Variants in PARP8 observed in about 807,000 individuals in gnomAD.
PARP8 encodes the protein poly(ADP-ribose) polymerase family member 8.
PARP8 carries 51 observed loss-of-function variants against 124.1 expected under a neutral mutation model. That is an observed-to-expected ratio of 0.41 (90% CI 0.33 to 0.52). PARP8 has a LOEUF of 0.52. PARP8 is among the 20% of genes least tolerant of loss of function. PARP8 has a pLI of 0.21. For synonymous variants in PARP8, 391 were observed against 361.5 expected, an observed-to-expected ratio of 1.08 and a Z score of -0.93; for missense variants, 860 against 1,018.9, an observed-to-expected ratio of 0.84 and a Z score of 2.12.
At chr5:50,788,816 C>G (rs1741609973) in intron 10 of PARP8, among the ~76,000 whole-genome samples, 1 of 152,226 alleles carries the variant, frequency 6.6e-6, no homozygotes, top group South Asian at 2.1e-4. Context: ...GATCCACTCT[C>G]TTTCCTCCAG....
At chr5:50,721,631 G>C (rs1755899796) in intron 2 of PARP8, among the ~76,000 whole-genome samples, 1 of 152,040 alleles carries the variant, frequency 6.6e-6, no homozygotes, top group Admixed American at 6.6e-5. Context: ...GAGTATAGCT[G>C]CAACAGCCTC....
chr5:50,772,510 T>A (rs1184966391), intron 7 of PARP8, among the ~76,000 whole-genome samples: 1 of 152,108 alleles, frequency 6.6e-6, no homozygotes, highest in Non-Finnish European at 1.5e-5. Context: ...CACATCAGCA[T>A]TTGTTATTTT....
chr5:50,666,977 C>G lies in PARP8; in HGVS notation c.-119C>G. Reference sequence around the variant, plus strand: ...ATCACTTCCGAAACCACTTCGCCTTCAGCCCCTGCCTCGGCCAGAGGTTTC... The same window carrying G: ...ATCACTTCCGAAACCACTTCGCCTTGAGCCCCTGCCTCGGCCAGAGGTTTC... On this transcript the variant is annotated 5_prime_UTR_variant, in exon 1 of 26. It introduces an in-frame stop codon into an upstream open reading frame of the 5' UTR. Coordinates refer to ENST00000281631, the MANE Select transcript of PARP8 (RefSeq NM_024615.4). 1 of 1,540,104 alleles carries G rather than the reference C, an allele frequency of 6.5e-7. No homozygotes were observed. Among genetic ancestry groups the G allele is most frequent in the South Asian group, 1.2e-5 (1 of 83,324 alleles).
intron 14 of PARP8, among the ~76,000 whole-genome samples, chr5:50,814,339 G>A (rs1744842210): frequency 6.6e-6 from 1 of 152,072 alleles, no homozygotes; most frequent in Non-Finnish European, 1.5e-5. Flanking sequence ...AGGAAAAGTT[G>A]TTGAAATTGA....
At chr5:50,699,109 C>A (rs1264088254) in intron 2 of PARP8, among the ~76,000 whole-genome samples, 1 of 152,298 alleles carries the variant, frequency 6.6e-6, no homozygotes, top group South Asian at 2.1e-4. Context: ...GTCCTACAGT[C>A]ATGATGACTT....
chr5:50,735,646 T>A (rs1384502593), intron 2 of PARP8, among the ~76,000 whole-genome samples: 1 of 152,192 alleles, frequency 6.6e-6, no homozygotes, highest in Non-Finnish European at 1.5e-5. Context: ...ACAAGGGAGC[T>A]ATACATATAT....
At chr5:50,761,381 T>G (rs1345206730) in intron 5 of PARP8, among the ~76,000 whole-genome samples, 1 of 152,138 alleles carries the variant, frequency 6.6e-6, no homozygotes, top group African/African-American at 2.4e-5. Flanking sequence ...ATAATTTGAT[T>G]ATATATTATT....
At position 50,788,890 on chromosome 5, in the gene PARP8, C is replaced by T. The variant is rs183776355; in HGVS notation, c.737+301C>T. Among the ~76,000 whole-genome samples the T allele has an allele frequency of 3.3e-4, 50 of 152,216 alleles. 1 individual carries two copies. In the East Asian group the frequency reaches 7.2e-3, roughly 22 times the overall value. Reference sequence around the variant, plus strand: ...CACAGGCTCTGAGTCCCTAACATGACCAGTGGAGGCAGGAAGGAGAGTAAG... The same window carrying T: ...CACAGGCTCTGAGTCCCTAACATGATCAGTGGAGGCAGGAAGGAGAGTAAG... On this transcript the variant is annotated intron_variant, in intron 10 of 25. Transcript: ENST00000281631.
intron 9 of PARP8, among the ~76,000 whole-genome samples, chr5:50,779,516 CAT>C (rs1239831913): frequency 6.6e-6 from 1 of 152,200 alleles, no homozygotes; most frequent in Non-Finnish European, 1.5e-5. Flanking sequence ...CTGTCCGACA[CAT>C]AGCTTCTTCA....
chr5:50,761,243 G>A (rs1167613188), intron 5 of PARP8, among the ~76,000 whole-genome samples: 1 of 151,866 alleles, frequency 6.6e-6, no homozygotes, highest in African/African-American at 2.4e-5. Flanking sequence ...TGGCAGATGT[G>A]GCTCAGTTAA....
At chr5:50,709,091 C>T (rs1466093537) in intron 2 of PARP8, among the ~76,000 whole-genome samples, 1 of 152,012 alleles carries the variant, frequency 6.6e-6, no homozygotes, top group East Asian at 1.9e-4. Flanking sequence ...CAGGCCAGGA[C>T]ATTTTCTTGT....
chr5:50,761,772 G>A (rs1416106778), intron 5 of PARP8, 49 bp from the exon 6 acceptor site: 2 of 1,220,248 alleles, frequency 1.6e-6, no homozygotes, highest in Non-Finnish European at 2.4e-6. Flanking sequence ...ATTTTAGAAA[G>A]GTAAAATAAT....
chr5:50,703,493 T>C (rs1423107072), intron 2 of PARP8, among the ~76,000 whole-genome samples: 1 of 152,146 alleles, frequency 6.6e-6, no homozygotes, highest in East Asian at 1.9e-4. Flanking sequence ...GATTTCTTCC[T>C]TGAAGGATTC....
intron 6 of PARP8, among the ~76,000 whole-genome samples, chr5:50,762,770 A>C (rs1580250737): frequency 6.6e-6 from 1 of 152,332 alleles, no homozygotes; most frequent in East Asian, 1.9e-4. Context: ...TTCCTTTACC[A>C]GTATAACATT....
intron 14 of PARP8, among the ~76,000 whole-genome samples, chr5:50,809,719 A>G (rs1744231364): frequency 6.6e-6 from 1 of 152,030 alleles, no homozygotes; most frequent in Non-Finnish European, 1.5e-5. Flanking sequence ...TCTGTTTTGT[A>G]TATTGGACTT....
chr5:50,776,472 A>C (rs1740031524), intron 7 of PARP8, among the ~76,000 whole-genome samples: 1 of 152,186 alleles, frequency 6.6e-6, no homozygotes, highest in Non-Finnish European at 1.5e-5. Flanking sequence ...TGCAAAGCAC[A>C]GATGTTATGA....
rs377117156 is a variant in PARP8, at chr5:50,780,719, G to GTTTTCT, written c.670+2074_670+2079dup. ...GAAACCAAGGAAACCTGAGGGTTATGTTTTCTTTTTTCATACCTGATAATG... is the reference window on the plus strand; with the variant it reads ...GAAACCAAGGAAACCTGAGGGTTATGTTTTCTTTTTCTTTTTTCATACCTGATAATG... On this transcript the variant is annotated intron_variant, in intron 9 of 25. Transcript: ENST00000281631. 1.9e-3 allele frequency among the ~76,000 whole-genome samples: 295 copies of GTTTTCT among 152,218 alleles called. 3 individuals are homozygous for GTTTTCT. The highest frequency in any genetic ancestry group is 6.7e-3 in the African/African-American group (279 of 41,546).
intron 2 of PARP8, among the ~76,000 whole-genome samples, chr5:50,725,441 A>G (rs765628836): frequency 6.6e-6 from 1 of 152,152 alleles, no homozygotes; most frequent in Non-Finnish European, 1.5e-5. Flanking sequence ...TTGTAGCAAG[A>G]TACTTAGTTA....
chr5:50,743,430 C>A (rs918401487), intron 2 of PARP8, among the ~76,000 whole-genome samples: 3 of 151,928 alleles, frequency 2.0e-5, no homozygotes, highest in Non-Finnish European at 4.4e-5. Flanking sequence ...TTCTAGTATG[C>A]CCCAAATTAC....
Sources: gnomAD v4.1 joint callset for allele counts (sites outside exome capture counted in the v4.1 genomes callset) on GRCh38, gnomAD v4.1.1 for gene constraint, MANE v1.5 for transcripts, NCBI Gene and HGNC (gene_info 2026-07-23, HGNC 2026-07-21) for gene names.